Variants in APAF1 observed in about 807,000 individuals in gnomAD.
APAF1 encodes apoptotic peptidase activating factor 1, also known as apoptotic protease-activating factor 1.
APAF1 carries 91 observed loss-of-function variants against 152.4 expected under a neutral mutation model. The observed-to-expected ratio is 0.60, with a 90% confidence interval of 0.50 to 0.71. The LOEUF is 0.71. Ranked by LOEUF, APAF1 falls within the 30% of genes least tolerant of loss-of-function variation. The pLI, the probability that APAF1 is intolerant of heterozygous loss-of-function variation, is 0.00. For missense variants in APAF1, 1,283 were observed against 1,472.0 expected, an observed-to-expected ratio of 0.87 and a Z score of 2.10; for synonymous variants, 484 against 494.1, an observed-to-expected ratio of 0.98 and a Z score of 0.27.
intron 4 of APAF1, among the ~76,000 whole-genome samples, chr12:98,653,552 G>T (rs1159111492): frequency 6.8e-6 from 1 of 147,720 alleles, no homozygotes; most frequent in East Asian, 2.0e-4. Flanking sequence ...AGCTACCCAG[G>T]TGGCTGAGGC....
intron 19 of APAF1, among the ~76,000 whole-genome samples, chr12:98,707,713 C>G (rs867217494): frequency 8.4e-6 from 1 of 119,234 alleles, no homozygotes. Context: ...TATATATATA[C>G]ATATAAATTT....
intron 14 of APAF1, 76 bp from the exon 15 acceptor site, chr12:98,683,067 A>G (rs1328131322): frequency 1.7e-6 from 2 of 1,170,856 alleles, no homozygotes; most frequent in African/African-American, 3.1e-5. Flanking sequence ...TTGCAAAGCA[A>G]TGGACATTGC....
intron 4 of APAF1, among the ~76,000 whole-genome samples, chr12:98,655,952 T>A (rs929921710): frequency 1.3e-5 from 2 of 151,838 alleles, no homozygotes; most frequent in African/African-American, 4.8e-5. Context: ...CCCAGCTAAT[T>A]TTTTGTATTT....
At chr12:98,668,505 G>T (rs539047955) in intron 10 of APAF1, among the ~76,000 whole-genome samples, 5 of 152,312 alleles carry the variant, frequency 3.3e-5, no homozygotes, top group East Asian at 1.9e-4. Flanking sequence ...GGAGGAGGCA[G>T]ACATTAAACA....
chr12:98,645,635 C>T lies in APAF1; in HGVS notation c.-242C>T, dbSNP rs999317642. 6.6e-6 allele frequency: 1 copy of T among 152,310 alleles called. No individual in the cohort carries two copies. The highest frequency in any genetic ancestry group is 2.4e-5 in the African/African-American group (1 of 41,458). The allele number at this position is 152,310 out of a possible 1,614,324, so 9.4% of individuals were successfully genotyped here. ...AGGTCCCTGGGGGTCTTCGTGCGCC[C>T]CGGGGCTGCAGAGATCCAGGGGAGG... On this transcript the variant is annotated 5_prime_UTR_variant, in exon 1 of 27. Transcript: ENST00000551964.
Position 98,706,555 on chromosome 12 carries a change from T to A in APAF1, c.2666T>A (p.Met889Lys). Residue 889 changes from methionine (M) to lysine (K), a missense_variant, in exon 19 of 27, where the codon ATG (methionine) becomes AAG (lysine). Coordinates refer to ENST00000551964, the MANE Select transcript of APAF1 (RefSeq NM_181861.2). ...RGHLSWVHGVMFSPDGSSFLT... is the reference protein window; with the variant it reads ...RGHLSWVHGVKFSPDGSSFLT... The stretch of plus-strand genomic sequence containing the variant: ...CATTTAAGTTGGGTTCATGGTGTGA[T>A]GTTTTCTCCTGATGGATCATCATTT... The A allele has an allele frequency of 6.2e-7, 1 of 1,614,058 alleles. No individual in the cohort carries two copies.
chr12:98,656,047 T>G (rs2097657116), intron 4 of APAF1, among the ~76,000 whole-genome samples: 1 of 152,028 alleles, frequency 6.6e-6, no homozygotes, highest in African/African-American at 2.4e-5. Context: ...CCTCCCAAAG[T>G]GCTGGGATTA....
chr12:98,653,986 T>C (rs1032475857), intron 4 of APAF1, among the ~76,000 whole-genome samples: 3 of 152,032 alleles, frequency 2.0e-5, no homozygotes, highest in Non-Finnish European at 4.4e-5. Context: ...AGGATAAGCC[T>C]CCTGTGAAAG....
chr12:98,715,235 CAT>C (rs61430351), intron 21 of APAF1, among the ~76,000 whole-genome samples, 190 bp from the exon 22 acceptor site: 4,384 of 52,878 alleles, frequency 0.083, 108 homozygotes, highest in Non-Finnish European at 0.097. Context: ...ACATGGTGTG[CAT>C]ATATATATAT....
intron 22 of APAF1, among the ~76,000 whole-genome samples, chr12:98,721,156 A>G (rs930940273): frequency 2.0e-5 from 3 of 152,244 alleles, no homozygotes; most frequent in African/African-American, 7.2e-5. Flanking sequence ...CAATTAGCAC[A>G]GTGTGTTTCC....
At chr12:98,652,992 G>A (rs1052766985) in intron 4 of APAF1, among the ~76,000 whole-genome samples, 3 of 151,778 alleles carry the variant, frequency 2.0e-5, no homozygotes, top group African/African-American at 7.3e-5. Context: ...GGTGTTCTCA[G>A]TAGACGAGAA....
At chr12:98,669,905 C>T (rs1308364264) in intron 10 of APAF1, among the ~76,000 whole-genome samples, 7 of 145,540 alleles carry the variant, frequency 4.8e-5, no homozygotes, top group Non-Finnish European at 9.0e-5. Flanking sequence ...TTCCTGCCCT[C>T]CCCTCTTCCT....
chr12:98,702,075 T>C (rs2097716012), intron 17 of APAF1, among the ~76,000 whole-genome samples: 1 of 152,200 alleles, frequency 6.6e-6, no homozygotes, highest in African/African-American at 2.4e-5. Context: ...TAAACATTTT[T>C]TTTTTTTTGA....
chr12:98,715,456 C>G lies in APAF1; in HGVS notation c.2988C>G (p.Phe996Leu), dbSNP rs1391745806. Residue 996 changes from phenylalanine to leucine, a missense_variant, in exon 22 of 27, where the codon TTC (phenylalanine) becomes TTG (leucine). By Grantham distance (22) the Phe-to-Leu change is conservative. Coordinates refer to ENST00000551964, the MANE Select transcript of APAF1 (RefSeq NM_181861.2). ...TAGAACTTGTAAACAATAGAATCTT[C>G]CAGTCCAGGTTTCAGCACAAGAAAA... ...EILELVNNRIFQSRFQHKKTV... is the reference protein window; with the variant it reads ...EILELVNNRILQSRFQHKKTV... The G allele has an allele frequency of 3.7e-6, 6 of 1,613,240 alleles. No individual in the cohort carries two copies. Among genetic ancestry groups the G allele is most frequent in the Non-Finnish European group, 5.1e-6 (6 of 1,179,652 alleles).
intron 16 of APAF1, among the ~76,000 whole-genome samples, chr12:98,695,922 T>A (rs996261429): frequency 6.6e-6 from 1 of 152,192 alleles, no homozygotes; most frequent in African/African-American, 2.4e-5. Flanking sequence ...TGCTTGGATT[T>A]CTCCACTGCA....
chr12:98,705,996 T>C (rs532535453), intron 18 of APAF1, among the ~76,000 whole-genome samples: 2 of 152,336 alleles, frequency 1.3e-5, no homozygotes, highest in African/African-American at 4.8e-5. Flanking sequence ...ATTTTCTGTT[T>C]TTGGCTTAAC....
chr12:98,717,130 A>G (rs1029347848), intron 22 of APAF1, among the ~76,000 whole-genome samples: 2 of 151,700 alleles, frequency 1.3e-5, no homozygotes, highest in African/African-American at 4.8e-5. Context: ...GGCCTCCCAA[A>G]GTGCTGGGAT....
chr12:98,695,762 A>G (rs906818001), intron 16 of APAF1, among the ~76,000 whole-genome samples: 2 of 152,088 alleles, frequency 1.3e-5, no homozygotes, highest in African/African-American at 2.4e-5. Flanking sequence ...ACTTTTAAAG[A>G]TTCCTCTTGA....
At chr12:98,712,120 A>G (rs1425944595) in intron 20 of APAF1, among the ~76,000 whole-genome samples, 199 bp from the exon 21 acceptor site, 1 of 152,184 alleles carries the variant, frequency 6.6e-6, no homozygotes, top group Non-Finnish European at 1.5e-5. Context: ...ATGTATTTGA[A>G]CCACCAAAGT....
Sources: allele counts gnomAD v4.1 joint callset (sites outside exome capture counted in the v4.1 genomes callset), GRCh38; gene constraint gnomAD v4.1.1; transcripts MANE v1.5; gene names NCBI Gene and HGNC (gene_info 2026-07-23, HGNC 2026-07-21).